ADGRB1: variants seen among roughly 807,000 people sequenced by gnomAD.
ADGRB1 encodes the protein brain-specific angiogenesis inhibitor 1.
ADGRB1 carries 36 observed loss-of-function variants against 175.7 expected under a neutral mutation model. The ratio of observed to expected loss-of-function variants is 0.20; its 90% CI spans 0.16 to 0.27. ADGRB1 has a LOEUF of 0.27. Among genes scored for constraint, ADGRB1 ranks in the 10% least tolerant of loss-of-function variants. ADGRB1 has a pLI of 1.00. For missense variants in ADGRB1, 1,731 were observed against 2,255.3 expected (o/e 0.77, Z 4.71); for synonymous variants, 1,054 against 979.4 (o/e 1.08, Z -1.42).
At chr8:142,516,282 C>CATGTGT (rs1843420705) in intron 18 of ADGRB1, among the ~76,000 whole-genome samples, 2 of 111,508 alleles carry the variant, frequency 1.8e-5, no homozygotes. Flanking sequence ...GCCCCAGTTG[C>CATGTGT]GTGTGTGTGG....
chr8:142,530,169 G>C (rs577287943), intron 24 of ADGRB1, among the ~76,000 whole-genome samples: 1 of 152,246 alleles, frequency 6.6e-6, no homozygotes, highest in Admixed American at 6.5e-5. Context: ...GTGTGCGTGT[G>C]TGTGTATGAG....
chr8:142,502,405 GT>G (rs1842640877), intron 17 of ADGRB1, among the ~76,000 whole-genome samples: 3 of 83,100 alleles, frequency 3.6e-5, no homozygotes, highest in African/African-American at 4.8e-5. Flanking sequence ...GGTGATGGTG[GT>G]GGTGGTGGTG....
In ADGRB1 at chr8:142,524,175, G is replaced by A. The variant is rs76242832; in HGVS notation, c.3246-63G>A. 636 of 1,532,600 alleles carry A rather than the reference G, an allele frequency of 4.1e-4. 4 individuals carry two copies. The African/African-American group carries it at 6.2e-3, about 15-fold the overall frequency. The allele number at this position is 1,532,600 out of a possible 1,614,324, so 94.9% of individuals were successfully genotyped here. On this transcript the variant is annotated intron_variant, in intron 22 of 30. Coordinates refer to ENST00000517894, the MANE Select transcript of ADGRB1 (RefSeq NM_001702.3). ...AGCTCACCCCTACTCCTGAGAGGCC[G>A]GCAGCACCTCTCTGCACGCCCCTCT... is the stretch of plus-strand genomic sequence containing the variant.
At chr8:142,535,881 T>C (rs1844894063) in intron 25 of ADGRB1, among the ~76,000 whole-genome samples, 1 of 152,168 alleles carries the variant, frequency 6.6e-6, no homozygotes, top group African/African-American at 2.4e-5. Context: ...CTGGAGTCCT[T>C]AGCTGGTGTC....
chr8:142,477,577 G>T, intron 6 of ADGRB1, 28 bp downstream of exon 6: 1 of 1,598,242 alleles, frequency 6.3e-7, no homozygotes, highest in East Asian at 2.2e-5. Flanking sequence ...CGTAGGGGCA[G>T]GGAGGAAGGG....
chr8:142,509,706 C>T (rs116999147), intron 17 of ADGRB1, among the ~76,000 whole-genome samples: 221 of 152,342 alleles, frequency 1.5e-3, no homozygotes, highest in Non-Finnish European at 2.6e-3. Context: ...TCCTGAAGTC[C>T]GGGGGCAGGG....
chr8:142,529,550 A>C (rs547969999), intron 24 of ADGRB1, among the ~76,000 whole-genome samples: 10 of 152,100 alleles, frequency 6.6e-5, no homozygotes, highest in South Asian at 2.1e-4. Flanking sequence ...GCAAGCATGC[A>C]TCTATGTGTG....
At position 142,537,250 on chromosome 8, in the gene ADGRB1, C is replaced by T. The variant is rs950671339; in HGVS notation, c.3666+168C>T. Among the ~76,000 whole-genome samples, 1 of 152,072 alleles carries T rather than the reference C, an allele frequency of 6.6e-6. No individual in the cohort carries two copies. The highest frequency in any genetic ancestry group is 6.5e-5 in the Admixed American group (1 of 15,278). ...GGAAACTGAGGCTCGCCAAGTGGAA[C>T]CCCTGGTCCGGGGTTTCCAGCTGGG... On this transcript the variant is annotated intron_variant, in intron 26 of 30. Coordinates refer to ENST00000517894, the MANE Select transcript of ADGRB1 (RefSeq NM_001702.3). The surrounding 1 kb of genome is among the most constrained non-coding windows in gnomAD (Gnocchi z 4.6).
At chr8:142,529,716 ATG>A (rs958188596) in intron 24 of ADGRB1, among the ~76,000 whole-genome samples, 5 of 137,882 alleles carry the variant, frequency 3.6e-5, no homozygotes, top group African/African-American at 5.7e-5. Flanking sequence ...GCGTGCATCT[ATG>A]TGTGTGAGTG....
chr8:142,505,154 CTGCCATCCCAT>C (rs1184825154), intron 17 of ADGRB1, among the ~76,000 whole-genome samples: 1 of 152,204 alleles, frequency 6.6e-6, no homozygotes, highest in African/African-American at 2.4e-5. Context: ...CACTGTGCCT[CTGCCATCCCAT>C]GGACAGGTGC....
chr8:142,501,465 GGGTGGT>G (rs1438194870), intron 17 of ADGRB1, among the ~76,000 whole-genome samples: 23 of 113,810 alleles, frequency 2.0e-4, no homozygotes, highest in African/African-American at 7.3e-4. Flanking sequence ...GATGGAGGTG[GGGTGGT>G]GGTGGTGATG....
chr8:142,508,845 T>C (rs1335197146), intron 17 of ADGRB1, among the ~76,000 whole-genome samples: 2 of 152,090 alleles, frequency 1.3e-5, no homozygotes, highest in Non-Finnish European at 2.9e-5. Context: ...CCCTGGCCCG[T>C]GAAACAGGAT....
chr8:142,505,071 G>A (rs1255660032), intron 17 of ADGRB1, among the ~76,000 whole-genome samples: 1 of 132,194 alleles, frequency 7.6e-6, no homozygotes, highest in African/African-American at 2.7e-5. Flanking sequence ...GGGTGGGTGG[G>A]TGGGTGGGCT....
At chr8:142,487,934 C>T (rs945513917) in intron 13 of ADGRB1, among the ~76,000 whole-genome samples, 2 of 152,208 alleles carry the variant, frequency 1.3e-5, no homozygotes, top group African/African-American at 4.8e-5. Flanking sequence ...GGGATCAGCT[C>T]ACAGAGCTGG....
intron 17 of ADGRB1, among the ~76,000 whole-genome samples, chr8:142,491,240 TC>T (rs1841967090): frequency 6.6e-6 from 1 of 152,210 alleles, no homozygotes; most frequent in Admixed American, 6.5e-5. Flanking sequence ...TTCAGGCTCA[TC>T]AGATGGGGGC....
At chr8:142,539,592 C>G in intron 27 of ADGRB1, 179 bp downstream of exon 27, 3 of 717,882 alleles carry the variant, frequency 4.2e-6, no homozygotes, top group Non-Finnish European at 6.9e-6. Flanking sequence ...GGGGGCCCAG[C>G]CTTCCACCCC....
chr8:142,522,767 A>C (rs893909771), intron 22 of ADGRB1, 57 bp downstream of exon 22: 5 of 1,400,514 alleles, frequency 3.6e-6, no homozygotes, highest in Non-Finnish European at 4.7e-6. Flanking sequence ...AGAGACTTCC[A>C]CCGCCCTGGA....
rs780103167 is a variant in ADGRB1 at position 142,481,727 on chromosome 8, G to A, written c.2130+16G>A. ...GGACGTACAGGTGGGCTCCCCGAGC[G>A]GCATTTTGGAAGAGGGTGTCGGGAA... On this transcript the variant is annotated intron_variant, in intron 11 of 30. Coordinates refer to ENST00000517894, the MANE Select transcript of ADGRB1 (RefSeq NM_001702.3). The A allele has an allele frequency of 9.9e-6, 15 of 1,512,188 alleles. No individual in the cohort carries two copies. Among genetic ancestry groups the A allele is most frequent in the South Asian group, 7.9e-5 (6 of 76,130 alleles). 93.7% of individuals were successfully genotyped at this position (1,512,188 alleles called of 1,614,324 possible). A position where few individuals can be genotyped will look rare whatever the true frequency, so the allele number is the denominator to read the frequency against.
intron 17 of ADGRB1, among the ~76,000 whole-genome samples, chr8:142,506,674 A>T (rs1412923526): frequency 6.6e-6 from 1 of 152,106 alleles, no homozygotes. Context: ...CTTTCGGGGG[A>T]ACTTCCAGAT....
Sources: allele counts gnomAD v4.1 joint callset (sites outside exome capture counted in the v4.1 genomes callset), GRCh38; gene constraint gnomAD v4.1.1; non-coding constraint Gnocchi (gnomAD v3.1); transcripts MANE v1.5; gene names NCBI Gene and HGNC (gene_info 2026-07-23, HGNC 2026-07-21).